The following ANK2 variants were observed in gnomAD, a reference collection of about 807,000 sequenced individuals.
The protein encoded by ANK2 is ankyrin 2, also known as ankyrin-2.
A neutral mutation model predicts 360.5 loss-of-function variants in ANK2; 83 were observed. The ratio of observed to expected loss-of-function variants is 0.23; its 90% CI spans 0.19 to 0.28. ANK2 has a LOEUF of 0.28. Ranked by LOEUF, ANK2 falls within the 10% of genes least tolerant of loss-of-function variation. ANK2 has a pLI of 1.00. For synonymous variants in ANK2, 1,740 were observed against 1,759.5 expected (o/e 0.99, Z 0.28); for missense variants, 4,201 against 4,795.7 (o/e 0.88, Z 3.66).
At chr4:113,086,736 C>T (rs550931003) in intron 1 of ANK2, among the ~76,000 whole-genome samples, 38 of 152,106 alleles carry the variant, frequency 2.5e-4, no homozygotes, top group Non-Finnish European at 4.9e-4. Context: ...AGGGAAGGCT[C>T]CTTTGAGCAG....
chr4:113,357,323 A>G lies in ANK2; in HGVS notation c.8705A>G (p.Asp2902Gly), dbSNP rs2095854946. ...GACTCATCCATTACTACTCAAACAG[A>G]TAGATTTTCCATGGATGTTCCCGTG... Reference protein sequence around the residue: ...SQDSSITTQTDRFSMDVPVSD... With the variant: ...SQDSSITTQTGRFSMDVPVSD... Residue 2902 changes from aspartate to glycine, a missense_variant, in exon 38 of 46, where the codon GAT (aspartate) becomes GGT (glycine). Coordinates refer to ENST00000357077, the MANE Select transcript of ANK2 (RefSeq NM_001148.6). 1 of 1,614,086 alleles carries G rather than the reference A, an allele frequency of 6.2e-7. No individual in the cohort carries two copies. Among genetic ancestry groups the G allele is most frequent in the South Asian group, 1.1e-5 (1 of 91,080 alleles).
chr4:113,142,373 TA>T (rs1469087148), intron 1 of ANK2, among the ~76,000 whole-genome samples: 1 of 152,220 alleles, frequency 6.6e-6, no homozygotes, highest in Non-Finnish European at 1.5e-5. Context: ...CTTACACTTT[TA>T]TTTTTTATTA....
chr4:112,975,743 T>C (rs1035112559), intron 2 of ANK2, among the ~76,000 whole-genome samples: 2 of 152,188 alleles, frequency 1.3e-5, no homozygotes, highest in Non-Finnish European at 2.9e-5. Context: ...TTGACAGTAA[T>C]CAGGTAACAG....
chr4:112,858,105 C>T (rs973795994), intron 1 of ANK2, among the ~76,000 whole-genome samples: 26 of 152,160 alleles, frequency 1.7e-4, no homozygotes, highest in Admixed American at 1.5e-3. Context: ...TACTTCCATA[C>T]CATGGAAATG....
In ANK2 at chr4:113,356,481, T is replaced by C. The variant is rs377056824; in HGVS notation, c.7863T>C (p.Ser2621=). ...AAGAACCCAAACAAGAAGAATCTTCTTCATCTTCTGACCCAGATGCTGACT... is the reference window on the plus strand; with the variant it reads ...AAGAACCCAAACAAGAAGAATCTTCCTCATCTTCTGACCCAGATGCTGACT... ...YKKEPKQEES[S]SSSDPDADCS... Residue 2621 remains serine (S), a synonymous_variant, in exon 38 of 46, where the codon TCT becomes TCC. Coordinates refer to ENST00000357077, the MANE Select transcript of ANK2 (RefSeq NM_001148.6). 9 of 1,614,052 alleles carry C rather than the reference T, an allele frequency of 5.6e-6. No homozygotes were observed. The African/African-American group carries it at 1.2e-4, about 22-fold the overall frequency.
chr4:113,142,732 A>G (rs1334893608), intron 1 of ANK2, among the ~76,000 whole-genome samples: 2 of 152,084 alleles, frequency 1.3e-5, no homozygotes, highest in African/African-American at 2.4e-5. Context: ...ATGAAGAAAA[A>G]GAAAGAGGGG....
Position 113,252,766 on chromosome 4 carries a change from C to A in ANK2, c.990+2904C>A, listed in dbSNP as rs187089220. On this transcript the variant is annotated intron_variant, in intron 10 of 45. Coordinates refer to ENST00000357077, the MANE Select transcript of ANK2 (RefSeq NM_001148.6). ...CATAGTCATTTATGCTACTCCCTTACGTATTCATACTACCTGCATTTCACT... is the reference window on the plus strand; with the variant it reads ...CATAGTCATTTATGCTACTCCCTTAAGTATTCATACTACCTGCATTTCACT... Among the ~76,000 whole-genome samples the A allele has an allele frequency of 3.9e-3, 588 of 152,268 alleles. 6 individuals carry two copies. Among genetic ancestry groups the A allele is most frequent in the African/African-American group, 0.013 (555 of 41,560 alleles).
intron 1 of ANK2, among the ~76,000 whole-genome samples, chr4:113,085,565 C>G (rs953700238): frequency 2.0e-5 from 3 of 152,066 alleles, no homozygotes; most frequent in Non-Finnish European, 4.4e-5. Context: ...CCTCGGCCTC[C>G]CAAAGTGCTG....
chr4:113,154,157 A>G (rs906808130), intron 1 of ANK2, among the ~76,000 whole-genome samples: 1 of 152,226 alleles, frequency 6.6e-6, no homozygotes, highest in Non-Finnish European at 1.5e-5. Flanking sequence ...TGCATTTCAT[A>G]TGCATCACCT....
chr4:113,344,301 A>G (rs2094588551), intron 34 of ANK2, among the ~76,000 whole-genome samples: 1 of 152,214 alleles, frequency 6.6e-6, no homozygotes, highest in Non-Finnish European at 1.5e-5. Context: ...GAGATGTTCA[A>G]CAGCGTAGGG....
chr4:113,333,295 T>TAC, intron 29 of ANK2, 87 bp downstream of exon 29: 1 of 1,432,826 alleles, frequency 7.0e-7, no homozygotes, highest in South Asian at 1.2e-5. Flanking sequence ...GGGGTGTGTG[T>TAC]ATATGTGTGT....
chr4:113,108,549 A>G (rs1190364220), intron 1 of ANK2, among the ~76,000 whole-genome samples: 5 of 152,206 alleles, frequency 3.3e-5, no homozygotes, highest in Non-Finnish European at 7.4e-5. Flanking sequence ...TAGAATGGCT[A>G]GTAAGCTACA....
chr4:113,118,516 A>G (rs1481018859), intron 1 of ANK2, among the ~76,000 whole-genome samples: 1 of 152,176 alleles, frequency 6.6e-6, no homozygotes, highest in Non-Finnish European at 1.5e-5. Context: ...CTTACTGCAT[A>G]GGGATTCATT....
intron 18 of ANK2, among the ~76,000 whole-genome samples, chr4:113,283,695 T>C (rs2063290840): frequency 6.6e-6 from 1 of 152,240 alleles, no homozygotes; most frequent in African/African-American, 2.4e-5. Context: ...TATGCTGCTA[T>C]AGCCAGCTGC....
the ANK2 span, among the ~76,000 whole-genome samples, chr4:112,781,722 A>G: frequency 6.6e-6 from 1 of 152,126 alleles, no homozygotes; most frequent in East Asian, 1.9e-4. Context: ...AAATATTGCA[A>G]CATAAAGTTT....
intron 2 of ANK2, among the ~76,000 whole-genome samples, chr4:112,933,380 G>C (rs900628190): frequency 2.0e-5 from 3 of 152,086 alleles, no homozygotes; most frequent in African/African-American, 4.8e-5. Context: ...TAGATATTCT[G>C]GTTTCTGATG....
At chr4:113,170,845 G>A (rs972480134) in intron 1 of ANK2, among the ~76,000 whole-genome samples, 5 of 152,116 alleles carry the variant, frequency 3.3e-5, no homozygotes, top group Non-Finnish European at 7.4e-5. Context: ...GTCACTCCAG[G>A]GTTATAAAGG....
At chr4:113,262,770 G>T (rs951861681) in intron 13 of ANK2, among the ~76,000 whole-genome samples, 1 of 150,634 alleles carries the variant, frequency 6.6e-6, no homozygotes, top group Middle Eastern at 3.4e-3. Flanking sequence ...ATGTGCATAG[G>T]TTACTTGCAA....
chr4:112,759,512 A>G, the ANK2 span, among the ~76,000 whole-genome samples: 2 of 152,114 alleles, frequency 1.3e-5, no homozygotes, highest in East Asian at 1.9e-4. Flanking sequence ...TTTTCAGACT[A>G]TAAGAATAAA....
Sources: allele counts gnomAD v4.1 joint callset (sites outside exome capture counted in the v4.1 genomes callset), GRCh38; gene constraint gnomAD v4.1.1; transcripts MANE v1.5; gene names NCBI Gene and HGNC (gene_info 2026-07-23, HGNC 2026-07-21).